Variants in DMD observed in about 807,000 individuals in gnomAD.
The protein encoded by DMD is dystrophin, also known as mutant dystrophin.
A neutral mutation model predicts 330.1 loss-of-function variants in DMD; 63 were observed. The observed-to-expected ratio is 0.19, with a 90% CI of 0.16 to 0.24. The LOEUF is 0.24. Ranked by LOEUF, DMD falls within the 10% of genes least tolerant of loss-of-function variation. The probability of loss-of-function intolerance (pLI) is 1.00; values close to 1 mark genes in which losing one functional copy is unlikely to be tolerated. For synonymous variants in DMD, 1,223 were observed against 959.8 expected (o/e 1.27, Z -5.07); for missense variants, 3,344 against 2,684.1 (o/e 1.25, Z -5.43).
chrX:32,702,923 A>C (rs977498937), intron 7 of DMD, among the ~76,000 whole-genome samples: 3 of 111,585 alleles, frequency 2.7e-5, no homozygotes, highest in Non-Finnish European at 5.7e-5. Flanking sequence ...ACGAAAGAGG[A>C]CACTGATTGT....
chrX:32,335,911 GTATA>G (rs756797877), intron 41 of DMD, among the ~76,000 whole-genome samples: 27 of 104,397 alleles, frequency 2.6e-4, no homozygotes, highest in African/African-American at 8.6e-4. Context: ...CATATAACGT[GTATA>G]TATGTATGTT....
chrX:32,129,050 T>C (rs1238173604), intron 44 of DMD, among the ~76,000 whole-genome samples: 1 of 111,679 alleles, frequency 9.0e-6, no homozygotes, highest in African/African-American at 3.2e-5. Context: ...CAAGGACAGT[T>C]ACAGTTTGCT....
At chrX:31,563,065 T>C (rs1047254529) in intron 55 of DMD, among the ~76,000 whole-genome samples, 4 of 110,119 alleles carry the variant, frequency 3.6e-5, no homozygotes, top group Non-Finnish European at 5.7e-5. Flanking sequence ...ATTTATTTAT[T>C]TATTTATTTA....
intron 44 of DMD, among the ~76,000 whole-genome samples, chrX:32,036,258 A>G (rs933222815): frequency 5.4e-5 from 6 of 111,452 alleles, no homozygotes; most frequent in Non-Finnish European, 9.4e-5. Context: ...CTGAAATTCC[A>G]GAGTCTAGGG....
At position 32,823,333 on chromosome X, in the gene DMD, T is replaced by A; in HGVS notation, c.319A>T (p.Thr107Ser). 1 of 1,209,249 alleles carries A rather than the reference T, an allele frequency of 8.3e-7. No homozygotes were observed. The highest frequency in any genetic ancestry group is 1.1e-6 in the Non-Finnish European group (1 of 893,810). Residue 107 changes from threonine to serine, a missense_variant, in exon 5 of 79, where the codon ACT becomes TCT. Transcript: ENST00000357033. ...ATTATATTCCAAATCAAACCAAGAG[T>A]CAGTTTATGATTTCCATCTACGATG... Reference protein sequence around the residue: ...TDIVDGNHKLTLGLIWNIILH... With the variant: ...TDIVDGNHKLSLGLIWNIILH...
chrX:32,762,716 A>C (rs182553985), intron 7 of DMD, among the ~76,000 whole-genome samples: 44 of 110,435 alleles, frequency 4.0e-4, no homozygotes, highest in Admixed American at 3.6e-3. Context: ...AACCAGTGTG[A>C]AGTGAGATCA....
intron 67 of DMD, among the ~76,000 whole-genome samples, chrX:31,201,015 T>TC (rs1196844988): frequency 9.0e-6 from 1 of 111,385 alleles, no homozygotes; most frequent in Admixed American, 9.5e-5. Context: ...TTGACTGATT[T>TC]CCCCCCAGTC....
intron 55 of DMD, among the ~76,000 whole-genome samples, chrX:31,569,076 T>C (rs1270602474): frequency 9.0e-6 from 1 of 111,428 alleles, no homozygotes; most frequent in Non-Finnish European, 1.9e-5. Flanking sequence ...TTTCTCTACA[T>C]ACATTGAGAA....
intron 13 of DMD, among the ~76,000 whole-genome samples, chrX:32,574,606 C>A (rs1227364530): frequency 9.0e-6 from 1 of 111,318 alleles, no homozygotes; most frequent in African/African-American, 3.3e-5. Flanking sequence ...CACTTTATAG[C>A]CTGAATTTTC....
At chrX:32,986,712 G>A (rs1363825354) in intron 2 of DMD, among the ~76,000 whole-genome samples, 4 of 112,289 alleles carry the variant, frequency 3.6e-5, no homozygotes, top group African/African-American at 1.3e-4. Context: ...TATCTGTGAA[G>A]CATACATCAA....
chrX:31,794,988 G>A (rs762198434), intron 50 of DMD, among the ~76,000 whole-genome samples: 6 of 111,962 alleles, frequency 5.4e-5, no homozygotes, highest in East Asian at 2.8e-4. Flanking sequence ...CTATAGGTTC[G>A]TTGAACAAAT....
chrX:32,484,932 T>G lies in DMD; in HGVS notation c.2790A>C (p.Lys930Asn). The G allele has an allele frequency of 8.3e-7, 1 of 1,211,510 alleles. No individual in the cohort carries two copies. Among genetic ancestry groups the G allele is most frequent in the Non-Finnish European group, 1.1e-6 (1 of 895,271 alleles). The change falls in exon 21 of 79, where the codon AAA becomes AAC. Residue 930 changes from lysine to asparagine, a missense_variant. Transcript: ENST00000357033. ...QVFSDVQARE[K>N]ELQTIFDTLP... ...CTTTTTACTTACTTGTCTGTAGCTC[T>G]TTCTCTCTGGCCTGCACATCAGAAA...
At chrX:31,580,521 A>C (rs1404286572) in intron 55 of DMD, among the ~76,000 whole-genome samples, 1 of 111,733 alleles carries the variant, frequency 8.9e-6, no homozygotes, top group African/African-American at 3.3e-5. Flanking sequence ...TCAGCCCACA[A>C]ATTAGTGAAC....
At position 32,518,138 on chromosome X, in the gene DMD, C is replaced by A. The variant is rs398123878; in HGVS notation, c.2169-7G>T. ...AGTTATATCAACATCCAACCTAAGA[C>A]AGCAAAAAATAAAAGTCATTATTTC... On this transcript the variant is annotated splice_polypyrimidine_tract_variant and splice_region_variant and intron_variant, in intron 17 of 78. Coordinates refer to ENST00000357033, the MANE Select transcript of DMD (RefSeq NM_004006.3). 3.3e-6 allele frequency: 4 copies of A among 1,205,072 alleles called. No individual in the cohort carries two copies. Among genetic ancestry groups the A allele is most frequent in the Non-Finnish European group, 4.5e-6 (4 of 890,309 alleles).
intron 2 of DMD, among the ~76,000 whole-genome samples, chrX:32,965,577 G>A (rs1359626966): frequency 2.7e-5 from 3 of 110,268 alleles, no homozygotes; most frequent in African/African-American, 6.6e-5. Context: ...ATATACTTTC[G>A]GGGATTTGCC....
At chrX:31,932,303 C>T (rs889801794) in intron 45 of DMD, 76 bp from the exon 46 acceptor site, 2 of 777,443 alleles carry the variant, frequency 2.6e-6, no homozygotes, top group Admixed American at 5.2e-5. Flanking sequence ...CAAACTGGGA[C>T]ACAAACATGG....
intron 1 of DMD, among the ~76,000 whole-genome samples, chrX:33,132,970 C>T (rs1400883535): frequency 8.9e-6 from 1 of 111,863 alleles, no homozygotes; most frequent in African/African-American, 3.3e-5. Context: ...ATGATAATCA[C>T]TCACATTTCC....
chrX:32,547,069 G>C (rs1203228947), intron 16 of DMD, among the ~76,000 whole-genome samples: 3 of 110,900 alleles, frequency 2.7e-5, no homozygotes, highest in African/African-American at 9.8e-5. Context: ...TTTTTTATTT[G>C]AATATTTTTT....
intron 1 of DMD, among the ~76,000 whole-genome samples, chrX:33,257,973 A>G (rs1356749448): frequency 3.6e-5 from 4 of 111,111 alleles, no homozygotes; most frequent in Non-Finnish European, 7.6e-5. Flanking sequence ...CTTTTCAAAC[A>G]TTAGATCCTT....
Sources: gnomAD v4.1 joint callset for allele counts (sites outside exome capture counted in the v4.1 genomes callset) on GRCh38, gnomAD v4.1.1 for gene constraint, MANE v1.5 for transcripts, NCBI Gene and HGNC (gene_info 2026-07-23, HGNC 2026-07-21) for gene names.